Variants in UBASH3A observed in about 807,000 individuals in gnomAD.
UBASH3A encodes the protein ubiquitin associated and SH3 domain containing A.
UBASH3A carries 63 observed loss-of-function variants against 73.5 expected under a neutral mutation model. That is an observed-to-expected ratio of 0.86 (90% CI 0.70 to 1.06). The LOEUF (loss-of-function observed/expected upper bound fraction) is 1.06, where lower values mean the gene tolerates loss of function less well. UBASH3A is among the 50% of genes least tolerant of loss of function. The probability of loss-of-function intolerance (pLI) is 0.00; values close to 1 mark genes in which losing one functional copy is unlikely to be tolerated. For synonymous variants in UBASH3A, 363 were observed against 351.1 expected, an observed-to-expected ratio of 1.03 and a Z score of -0.38; for missense variants, 860 against 859.0, an observed-to-expected ratio of 1.00 and a Z score of -0.02.
At chr21:42,414,519 C>T (rs889592270) in intron 5 of UBASH3A, among the ~76,000 whole-genome samples, 2 of 151,662 alleles carry the variant, frequency 1.3e-5, no homozygotes, top group African/African-American at 2.4e-5. Flanking sequence ...TGTTTGTCCA[C>T]CAGGAACTTG....
chr21:42,406,861 C>A (rs138308054), intron 2 of UBASH3A, among the ~76,000 whole-genome samples: 1 of 152,126 alleles, frequency 6.6e-6, no homozygotes, highest in Non-Finnish European at 1.5e-5. Flanking sequence ...CTGCCTACTA[C>A]GATGGATAAG....
chr21:42,427,198 A>T (rs2053452236), intron 8 of UBASH3A, among the ~76,000 whole-genome samples: 1 of 152,172 alleles, frequency 6.6e-6, no homozygotes. Context: ...GGGGGTCAGC[A>T]GACTCAGGCC....
chr21:42,405,521 C>T (rs1339193113), intron 1 of UBASH3A, among the ~76,000 whole-genome samples: 1 of 152,184 alleles, frequency 6.6e-6, no homozygotes, highest in Non-Finnish European at 1.5e-5. Flanking sequence ...ATAGTAAGTG[C>T]CCTGCACCAA....
At chr21:42,434,684 G>A (rs566142901) in intron 9 of UBASH3A, 148 bp from the exon 10 acceptor site, 40 of 884,644 alleles carry the variant, frequency 4.5e-5, no homozygotes, top group African/African-American at 4.1e-4. Flanking sequence ...TTGAAGCCAC[G>A]TTGCAGAGAA....
At chr21:42,434,525 A>T (rs1460241659) in intron 9 of UBASH3A, among the ~76,000 whole-genome samples, 1 of 152,228 alleles carries the variant, frequency 6.6e-6, no homozygotes, top group Non-Finnish European at 1.5e-5. Flanking sequence ...ACACTTTATC[A>T]GGTTCTTCAT....
intron 12 of UBASH3A, 67 bp from the exon 13 acceptor site, chr21:42,443,245 T>G: frequency 6.6e-7 from 1 of 1,513,674 alleles, no homozygotes; most frequent in Non-Finnish European, 8.9e-7. Flanking sequence ...CCCAGCTAAC[T>G]GCAGCTGAGC....
In UBASH3A at chr21:42,439,887, C is replaced by T. The variant is rs1197520392; in HGVS notation, c.1486+2307C>T. Among the ~76,000 whole-genome samples, 8 of 146,116 alleles carry T rather than the reference C, an allele frequency of 5.5e-5. 1 individual carries two copies. The highest frequency in any genetic ancestry group is 1.1e-4 in the Non-Finnish European group (7 of 66,320). Reference sequence around the variant, plus strand: ...CACACATAACATACAACACGCTGAACACACATACCACACACACACCACACA... The same window carrying T: ...CACACATAACATACAACACGCTGAATACACATACCACACACACACCACACA... On this transcript the variant is annotated intron_variant, in intron 11 of 14. Coordinates refer to ENST00000319294, the MANE Select transcript of UBASH3A (RefSeq NM_018961.4).
chr21:42,427,447 T>C (rs1314974052), intron 8 of UBASH3A, among the ~76,000 whole-genome samples: 7 of 152,190 alleles, frequency 4.6e-5, no homozygotes, highest in Admixed American at 4.6e-4. Flanking sequence ...GTAGTGAAAA[T>C]GCCTCTCTGT....
intron 3 of UBASH3A, among the ~76,000 whole-genome samples, chr21:42,411,894 C>A (rs139645301): frequency 9.7e-4 from 148 of 152,240 alleles, no homozygotes; most frequent in African/African-American, 3.3e-3. Context: ...GTGTTGAGTG[C>A]CGTTGAGGGT....
At position 42,443,417 on chromosome 21, in the gene UBASH3A, C is replaced by A. The variant is rs781035941; in HGVS notation, c.1737C>A (p.Asp579Glu). 2 of 1,601,276 alleles carry A rather than the reference C, an allele frequency of 1.2e-6. No individual in the cohort carries two copies. Among genetic ancestry groups the A allele is most frequent in the South Asian group, 2.3e-5 (2 of 88,674 alleles). The change falls in exon 13 of 15, where the codon GAC (aspartate) becomes GAA (glutamate). Residue 579 changes from aspartate to glutamate, a missense_variant and splice_region_variant. Transcript: ENST00000319294. ...MVQIVNTCPQ[D>E]TGVILIVSHG... The stretch of plus-strand genomic sequence containing the variant: ...AAATCGTCAACACCTGTCCACAGGA[C>A]AGTAAGTGCCTCACCATCCTCAGTA...
rs373153434 is a variant in UBASH3A at position 42,409,458 on chromosome 21, C to T, written c.204C>T (p.Asp68=). ...HDHCNDPSLD[D]PIPQEYALFL... ...ATTGCAATGACCCTTCCCTAGACGA[C>T]CCCATCCCCCAGGAGTATGCCCTTT... The change falls in exon 3 of 15, where the codon GAC becomes GAT. Residue 68 remains aspartate (D), a synonymous_variant. Coordinates refer to ENST00000319294, the MANE Select transcript of UBASH3A (RefSeq NM_018961.4). 16 of 1,611,682 alleles carry T rather than the reference C, an allele frequency of 9.9e-6. No individual in the cohort carries two copies. The African/African-American group carries it at 2.1e-4, about 22-fold the overall frequency.
chr21:42,412,308 C>G (rs971449633), intron 3 of UBASH3A, among the ~76,000 whole-genome samples: 1 of 152,102 alleles, frequency 6.6e-6, no homozygotes, highest in Non-Finnish European at 1.5e-5. Context: ...AGAGAGCCTG[C>G]GGCCTCAGGG....
intron 11 of UBASH3A, 57 bp from the exon 12 acceptor site, chr21:42,442,395 A>G (rs1237035345): frequency 6.4e-7 from 1 of 1,573,252 alleles, no homozygotes; most frequent in Non-Finnish European, 8.7e-7. Flanking sequence ...AGACTTATTT[A>G]TGCAAAGTCA....
intron 2 of UBASH3A, among the ~76,000 whole-genome samples, chr21:42,407,324 G>A (rs1040419941): frequency 3.3e-5 from 5 of 152,182 alleles, no homozygotes; most frequent in Non-Finnish European, 7.3e-5. Flanking sequence ...CTGGGTCTCT[G>A]AACGTGCAGT....
intron 7 of UBASH3A, among the ~76,000 whole-genome samples, chr21:42,419,048 G>A (rs888247043): frequency 6.6e-6 from 1 of 152,192 alleles, no homozygotes; most frequent in African/African-American, 2.4e-5. Flanking sequence ...TATGGGTTGA[G>A]AGTCAGAGTC....
chr21:42,437,548 G>A lies in UBASH3A; in HGVS notation c.1454G>A (p.Arg485His), dbSNP rs781445051. 2.5e-5 allele frequency: 40 copies of A among 1,614,080 alleles called. No homozygotes were observed. The highest frequency in any genetic ancestry group is 1.6e-4 in the Middle Eastern group (1 of 6,084). Residue 485 changes from arginine to histidine, a missense_variant, in exon 11 of 15, where the codon CGC (arginine) becomes CAC (histidine). Physicochemically the swap from Arg to His is conservative, Grantham distance 29. Transcript: ENST00000319294. The part of the protein sequence containing the change: ...ISSVFASPAL[R>H]CVQTAKLILE... ...TCTGTGTTTGCCTCCCCAGCCCTCC[G>A]CTGTGTGCAGACGGCCAAACTCATC...
chr21:42,432,032 C>T, intron 8 of UBASH3A, 71 bp from the exon 9 acceptor site: 1 of 878,434 alleles, frequency 1.1e-6, no homozygotes, highest in Non-Finnish European at 1.9e-6. Context: ...ACTGGGAGAG[C>T]TGCCATTGGT....
At chr21:42,411,471 A>T (rs1299876585) in intron 3 of UBASH3A, among the ~76,000 whole-genome samples, 1 of 151,938 alleles carries the variant, frequency 6.6e-6, no homozygotes, top group Non-Finnish European at 1.5e-5. Flanking sequence ...ACATGCACAC[A>T]TATGCACACA....
Position 42,416,556 on chromosome 21 carries a change from G to A in UBASH3A, c.782G>A (p.Ser261Asn). The change falls in exon 6 of 15, where the codon AGC becomes AAC. Residue 261 changes from serine to asparagine, a missense_variant. Coordinates refer to ENST00000319294, the MANE Select transcript of UBASH3A (RefSeq NM_018961.4). ...QLARAIPLGH[S>N]CQWTAALYSR... is the part of the protein sequence containing the mutation. ...GCCAGAGCCATCCCCCTGGGCCACA[G>A]CTGCCAGTGGACCGCAGCACTCTAC... 4 of 1,609,584 alleles carry A rather than the reference G, an allele frequency of 2.5e-6. No homozygotes were observed. The highest frequency in any genetic ancestry group is 1.7e-5 in the Admixed American group (1 of 59,418).
Sources: gnomAD v4.1 joint callset for allele counts (sites outside exome capture counted in the v4.1 genomes callset) on GRCh38, gnomAD v4.1.1 for gene constraint, MANE v1.5 for transcripts, NCBI Gene and HGNC (gene_info 2026-07-23, HGNC 2026-07-21) for gene names.